NMNAT1: variants seen among roughly 807,000 people sequenced by gnomAD.
NMNAT1 encodes the protein nicotinamide/nicotinic acid mononucleotide adenylyltransferase 1.
A neutral mutation model predicts 16.7 loss-of-function variants in NMNAT1; 11 were observed. That is an observed-to-expected ratio of 0.66 (90% confidence interval 0.41 to 1.09). NMNAT1 has a LOEUF of 1.09. Among genes scored for constraint, NMNAT1 ranks in the 50% least tolerant of loss-of-function variants. The pLI is 0.00. For synonymous variants in NMNAT1, 110 were observed against 119.8 expected (o/e 0.92, Z 0.53); for missense variants, 280 against 332.3 (o/e 0.84, Z 1.22).
intron 1 of NMNAT1, among the ~76,000 whole-genome samples, chr1:9,948,278 A>G (rs941817572): frequency 6.6e-6 from 1 of 152,138 alleles, no homozygotes; most frequent in African/African-American, 2.4e-5. Context: ...CTTTTTCTCA[A>G]GAAATGGAGT....
intron 1 of NMNAT1, among the ~76,000 whole-genome samples, chr1:9,962,634 A>G (rs1210438003): frequency 1.3e-5 from 2 of 149,940 alleles, no homozygotes; most frequent in African/African-American, 2.4e-5. Context: ...GAACCTAAAA[A>G]CAGAGTTAAG....
intron 3 of NMNAT1, among the ~76,000 whole-genome samples, chr1:9,976,155 C>CA (rs1641808862): frequency 6.6e-6 from 1 of 151,898 alleles, no homozygotes; most frequent in African/African-American, 2.4e-5. Context: ...GGCATGGTGG[C>CA]GCATGCCTGT....
intron 1 of NMNAT1, among the ~76,000 whole-genome samples, chr1:9,945,688 G>A (rs776572458): frequency 1.3e-5 from 2 of 152,020 alleles, no homozygotes; most frequent in African/African-American, 4.8e-5. Flanking sequence ...GGTGAGACTC[G>A]GTCTCAAAAA....
intron 4 of NMNAT1, among the ~76,000 whole-genome samples, chr1:9,982,075 C>T (rs11121509): frequency 0.08 from 12,210 of 152,160 alleles, 734 homozygotes; most frequent in East Asian, 0.21. Flanking sequence ...GTTGGTCAGG[C>T]TGGTCTCAAA....
At chr1:9,979,813 A>AG (rs1422476676) in intron 3 of NMNAT1, among the ~76,000 whole-genome samples, 1 of 152,026 alleles carries the variant, frequency 6.6e-6, no homozygotes, top group African/African-American at 2.4e-5. Flanking sequence ...AAAAAAAAAA[A>AG]AAAAATTGTT....
chr1:9,959,613 G>C (rs1179346846), intron 1 of NMNAT1, among the ~76,000 whole-genome samples: 2 of 151,926 alleles, frequency 1.3e-5, no homozygotes, highest in African/African-American at 4.8e-5. Flanking sequence ...CCTGGGAGGT[G>C]GAGGTTGCAG....
At chr1:9,973,964 T>C (rs1358054988) in intron 2 of NMNAT1, among the ~76,000 whole-genome samples, 4 of 151,574 alleles carry the variant, frequency 2.6e-5, no homozygotes, top group Non-Finnish European at 5.9e-5. Flanking sequence ...CAGCCTCCCC[T>C]GTAACTGGGA....
At position 9,982,857 on chromosome 1, in the gene NMNAT1, C is replaced by G; in HGVS notation, c.*156C>G. ...GCACAGTGGCTCACGCCTGTAATCC[C>G]AGCACTTTGGGAGGCTGAGGCAGGT... On this transcript the variant is annotated 3_prime_UTR_variant, in exon 5 of 5. Coordinates refer to ENST00000377205, the MANE Select transcript of NMNAT1 (RefSeq NM_022787.4). The G allele has an allele frequency of 2.7e-6, 2 of 727,630 alleles. No individual in the cohort carries two copies. The highest frequency in any genetic ancestry group is 2.0e-5 in the South Asian group (1 of 50,866). The allele number at this position is 727,630 out of a possible 1,614,324, so 45.1% of individuals were successfully genotyped here. A position where few individuals can be genotyped will look rare whatever the true frequency, so the allele number is the denominator to read the frequency against.
intron 1 of NMNAT1, among the ~76,000 whole-genome samples, chr1:9,956,330 C>T (rs866744176): frequency 1.7e-4 from 26 of 150,986 alleles, no homozygotes; most frequent in African/African-American, 6.1e-4. Flanking sequence ...CCACCACACC[C>T]GGCTAGCTTT....
chr1:9,952,538 T>C (rs1321999317), intron 1 of NMNAT1: 5 of 151,996 alleles, frequency 3.3e-5, no homozygotes, highest in African/African-American at 1.2e-4. Flanking sequence ...ATTCTTTGTT[T>C]TTTTGTTTTT....
intron 1 of NMNAT1, among the ~76,000 whole-genome samples, chr1:9,961,242 A>G (rs546418121): frequency 2.0e-5 from 3 of 152,252 alleles, no homozygotes; most frequent in African/African-American, 7.2e-5. Context: ...TGTTTGTTCC[A>G]TCCTTCCCTG....
intron 2 of NMNAT1, 103 bp from the exon 3 acceptor site, chr1:9,975,489 C>A: frequency 1.0e-6 from 1 of 964,430 alleles, no homozygotes; most frequent in Non-Finnish European, 1.5e-6. Context: ...GAGCAAGACT[C>A]TGTCTCAAAA....
intron 1 of NMNAT1, among the ~76,000 whole-genome samples, chr1:9,971,712 C>T (rs1489268430): frequency 2.6e-5 from 4 of 152,018 alleles, no homozygotes; most frequent in Non-Finnish European, 4.4e-5. Context: ...CTTGTAATCC[C>T]AGCACTTTGA....
Position 9,967,130 on chromosome 1 carries a change from A to G in NMNAT1, c.-56-4888A>G, listed in dbSNP as rs577873136. On this transcript the variant is annotated intron_variant, in intron 1 of 4. Coordinates refer to ENST00000377205, the MANE Select transcript of NMNAT1 (RefSeq NM_022787.4). ...TCCCAGCTACTCAGGAGGGTGAGGC[A>G]GGAGAATTGCTTAAACCTGGGAGGC... 5.8e-3 allele frequency among the ~76,000 whole-genome samples: 875 copies of G among 152,168 alleles called. 5 individuals are homozygous for G. The highest frequency in any genetic ancestry group is 8.4e-3 in the Non-Finnish European group (568 of 68,010).
chr1:9,952,074 G>A (rs1294486398), intron 1 of NMNAT1, among the ~76,000 whole-genome samples: 1 of 152,064 alleles, frequency 6.6e-6, no homozygotes, highest in Non-Finnish European at 1.5e-5. Flanking sequence ...CGAGGTGGGT[G>A]GATCACGAGG....
chr1:9,968,021 A>G lies in NMNAT1; in HGVS notation c.-56-3997A>G, dbSNP rs80209635. Among the ~76,000 whole-genome samples the G allele has an allele frequency of 5.6e-3, 843 of 150,850 alleles. 12 individuals carry two copies. Among genetic ancestry groups the G allele is most frequent in the African/African-American group, 0.02 (804 of 41,200 alleles). On this transcript the variant is annotated intron_variant, in intron 1 of 4. Coordinates refer to ENST00000377205, the MANE Select transcript of NMNAT1 (RefSeq NM_022787.4). ...CAATTCTAGTAACATAATTTGCAAC[A>G]TTCATAATAGCTATATTCATAGCAT...
chr1:9,995,000 G>A, the NMNAT1 span, among the ~76,000 whole-genome samples: 3 of 151,822 alleles, frequency 2.0e-5, no homozygotes, highest in African/African-American at 4.8e-5. Flanking sequence ...CACCCACCTC[G>A]GTCTCCCAAA....
intron 1 of NMNAT1, among the ~76,000 whole-genome samples, chr1:9,956,861 A>G (rs983660311): frequency 1.6e-4 from 24 of 150,000 alleles, no homozygotes; most frequent in African/African-American, 5.7e-4. Context: ...CCTCCTCAGT[A>G]TCTAGGATTG....
At chr1:9,988,730 C>T (rs1489415475), downstream of NMNAT1, among the ~76,000 whole-genome samples, 2 of 117,390 alleles carry the variant, frequency 1.7e-5, no homozygotes, top group African/African-American at 5.2e-5. Flanking sequence ...AAAAGGGTAC[C>T]TTGATTTTTT....
Sources: gnomAD v4.1 joint callset for allele counts (sites outside exome capture counted in the v4.1 genomes callset) on GRCh38, gnomAD v4.1.1 for gene constraint, MANE v1.5 for transcripts, NCBI Gene and HGNC (gene_info 2026-07-23, HGNC 2026-07-21) for gene names.